LCOR: variants seen among roughly 807,000 people sequenced by gnomAD.
LCOR encodes ligand dependent nuclear receptor corepressor, also known as ligand-dependent corepressor.
In LCOR, 14 loss-of-function variants were observed where a neutral mutation model predicts 64.4. That is an observed-to-expected ratio of 0.22 (90% CI 0.14 to 0.34). The LOEUF is 0.34. LCOR is among the 10% of genes least tolerant of loss of function. LCOR has a pLI of 1.00. For missense variants in LCOR, 1,686 were observed against 1,765.3 expected, an observed-to-expected ratio of 0.96 and a Z score of 0.80; for synonymous variants, 643 against 642.5, an observed-to-expected ratio of 1.00 and a Z score of -0.01.
chr10:96,892,406 T>TA (rs894286664), intron 2 of LCOR, among the ~76,000 whole-genome samples: 4 of 151,996 alleles, frequency 2.6e-5, no homozygotes, highest in African/African-American at 9.7e-5. Context: ...AAGTGGCTTA[T>TA]AAAAAAAATT....
At chr10:96,972,898 A>C (rs2134556087) in intron 7 of LCOR, among the ~76,000 whole-genome samples, 1 of 152,304 alleles carries the variant, frequency 6.6e-6, no homozygotes, top group South Asian at 2.1e-4. Context: ...GCAATTACAA[A>C]GGGATTGCAT....
chr10:96,981,895 A>G lies in LCOR; in HGVS notation c.1435A>G (p.Ile479Val), dbSNP rs958236358. Residue 479 changes from isoleucine to valine, a missense_variant, in exon 8 of 8, where the codon ATA becomes GTA. By Grantham distance (29) the Ile-to-Val change is conservative. Around this residue, in one of 3 missense-constraint regions of LCOR, gnomAD observed 1,293 missense variants for 1,410.4 expected, o/e 0.92. Coordinates refer to ENST00000421806, the MANE Select transcript of LCOR (RefSeq NM_001346516.2). ...TGATGTTGTTTATATCAGTCAACCA[A>G]TAACAGAATGCCACTTTGAGAATCA... ...QCDVVYISQPITECHFENQKS... is the reference protein window; with the variant it reads ...QCDVVYISQPVTECHFENQKS... 6.2e-7 allele frequency: 1 copy of G among 1,614,122 alleles called. No individual in the cohort carries two copies. The highest frequency in any genetic ancestry group is 8.5e-7 in the Non-Finnish European group (1 of 1,180,052).
chr10:96,940,210 G>A (rs1033714675), intron 4 of LCOR, among the ~76,000 whole-genome samples: 1 of 150,844 alleles, frequency 6.6e-6, no homozygotes, highest in Non-Finnish European at 1.5e-5. Context: ...TAGCTGCTTT[G>A]GAAAATGGTT....
chr10:96,951,349 A>C (rs961398423), intron 6 of LCOR, among the ~76,000 whole-genome samples: 1 of 152,136 alleles, frequency 6.6e-6, no homozygotes, highest in Non-Finnish European at 1.5e-5. Flanking sequence ...GTATCAAGAC[A>C]GTTTCATTCT....
chr10:96,868,987 C>T (rs1302022254), intron 2 of LCOR, among the ~76,000 whole-genome samples: 2 of 152,150 alleles, frequency 1.3e-5, no homozygotes, highest in African/African-American at 2.4e-5. Context: ...CTTACTGCAT[C>T]CTTTGCCTCC....
intron 4 of LCOR, among the ~76,000 whole-genome samples, chr10:96,922,699 G>A (rs760057334): frequency 1.3e-5 from 2 of 152,130 alleles, no homozygotes; most frequent in African/African-American, 4.8e-5. Flanking sequence ...TTCGTTTAAT[G>A]TTGTTAAAAA....
chr10:96,926,512 T>C (rs1589660983), intron 4 of LCOR, among the ~76,000 whole-genome samples: 3 of 152,212 alleles, frequency 2.0e-5, no homozygotes, highest in African/African-American at 7.2e-5. Context: ...GTCAGTGATA[T>C]ATTCAGTATC....
chr10:96,920,286 G>T, intron 4 of LCOR, among the ~76,000 whole-genome samples: 1 of 150,622 alleles, frequency 6.6e-6, no homozygotes. Flanking sequence ...TGTGATTGTT[G>T]GTCATTTGTA....
intron 2 of LCOR, among the ~76,000 whole-genome samples, chr10:96,852,004 G>A (rs1845728720): frequency 6.6e-6 from 1 of 152,230 alleles, no homozygotes; most frequent in Admixed American, 6.5e-5. Flanking sequence ...TGATGCTAAT[G>A]CCACACAATC....
intron 4 of LCOR, among the ~76,000 whole-genome samples, chr10:96,920,461 C>CATATATATGTATATGTATGTATATTCAT (rs374993931): frequency 7.3e-5 from 1 of 13,646 alleles, no homozygotes; most frequent in African/African-American, 2.6e-4. Flanking sequence ...TATGTATATT[C>CATATATATGTATATGTATGTATATTCAT]ATATATGTGT....
chr10:96,870,196 G>A (rs1268923893), intron 2 of LCOR, among the ~76,000 whole-genome samples: 4 of 151,454 alleles, frequency 2.6e-5, no homozygotes, highest in Non-Finnish European at 5.9e-5. Context: ...CTAATTTTTT[G>A]TTTTTTGTAG....
At chr10:96,912,607 T>TCTTCCTTCCTTCCCTCCTTCCTTC (rs1846860457) in intron 4 of LCOR, among the ~76,000 whole-genome samples, 1 of 140,294 alleles carries the variant, frequency 7.1e-6, no homozygotes, top group South Asian at 2.3e-4. Context: ...TTTCTTCCTT[T>TCTTCCTTCCTTCCCTCCTTCCTTC]CTTCCTTCCT....
chr10:96,968,056 T>C (rs1378696986), intron 7 of LCOR, among the ~76,000 whole-genome samples: 1 of 152,124 alleles, frequency 6.6e-6, no homozygotes, highest in Non-Finnish European at 1.5e-5. Flanking sequence ...GTTTTTTGGG[T>C]TTTTTATTAT....
intron 4 of LCOR, among the ~76,000 whole-genome samples, chr10:96,929,742 ATCATTTAAATCAAAAG>A: frequency 6.6e-6 from 1 of 152,202 alleles, no homozygotes; most frequent in Non-Finnish European, 1.5e-5. Context: ...ACTAAGCTCA[ATCATTTAAATCAAAAG>A]CTCAAGCTTT....
chr10:96,984,941 C>T lies in LCOR; in HGVS notation c.4481C>T (p.Pro1494Leu). ...ATTGCCTCGGAAACACTGACGAAAC[C>T]TGCAAAACAGAAGGGGGCCGGTGAA... ...QSIASETLTK[P>L]AKQKGAGESS... Residue 1494 changes from proline to leucine, a missense_variant, in exon 8 of 8, where the codon CCT (proline) becomes CTT (leucine). Transcript: ENST00000421806. 2 of 1,614,130 alleles carry T rather than the reference C, an allele frequency of 1.2e-6. No homozygotes were observed. Among genetic ancestry groups the T allele is most frequent in the Non-Finnish European group, 1.7e-6 (2 of 1,180,028 alleles).
chr10:96,979,437 C>A (rs1306635308), intron 7 of LCOR, among the ~76,000 whole-genome samples: 1 of 152,212 alleles, frequency 6.6e-6, no homozygotes, highest in Non-Finnish European at 1.5e-5. Flanking sequence ...GCAGGTATTG[C>A]CTGTGGCATG....
In LCOR at chr10:96,920,751, TACAC is replaced by T. The variant is rs55839435; in HGVS notation, c.-184+13041_-184+13044del. Among the ~76,000 whole-genome samples the T allele has an allele frequency of 5.3e-4, 63 of 118,866 alleles. 5 individuals are homozygous for T. The highest frequency in any genetic ancestry group is 9.8e-4 in the African/African-American group (25 of 25,596). The allele number at this position is 118,866 out of a possible 152,430, so 78.0% of individuals were successfully genotyped here. The stretch of plus-strand genomic sequence containing the variant: ...GTTCATATATATGTGTATATATGTA[TACAC>T]ACACACACACACACACACACACACA... On this transcript the variant is annotated intron_variant, in intron 4 of 7. Transcript: ENST00000421806.
At chr10:96,846,197 ACT>A (rs1053995456) in intron 2 of LCOR, among the ~76,000 whole-genome samples, 4 of 151,680 alleles carry the variant, frequency 2.6e-5, no homozygotes, top group African/African-American at 9.7e-5. Flanking sequence ...ACACAGCAAG[ACT>A]CTATCTCAAA....
rs1390541388 is a variant in LCOR at position 96,868,104 on chromosome 10, G to A, written c.-330+34625G>A. ...TCTCCATGTTTGTCAGGCTGGTCTC[G>A]AACTCCCGACCTCAGGTGATCCACC... On this transcript the variant is annotated intron_variant, in intron 2 of 7. Coordinates refer to ENST00000421806, the MANE Select transcript of LCOR (RefSeq NM_001346516.2). Among the ~76,000 whole-genome samples the A allele has an allele frequency of 2.0e-5, 3 of 151,568 alleles. No homozygotes were observed. In the South Asian group the frequency reaches 6.3e-4, roughly 32 times the overall value.
Sources: allele counts gnomAD v4.1 joint callset (sites outside exome capture counted in the v4.1 genomes callset), GRCh38; gene constraint gnomAD v4.1.1; regional missense constraint gnomAD v4.1.1; transcripts MANE v1.5; gene names NCBI Gene and HGNC (gene_info 2026-07-23, HGNC 2026-07-21).